HS3ST4: variants seen among roughly 807,000 people sequenced by gnomAD.
HS3ST4 encodes the protein heparan sulfate-glucosamine 3-sulfotransferase 4.
In HS3ST4, 17 loss-of-function variants were observed where a neutral mutation model predicts 29.2. That is an observed-to-expected ratio of 0.58 (90% confidence interval 0.40 to 0.87). The LOEUF is 0.87. Among genes scored for constraint, HS3ST4 ranks in the 40% least tolerant of loss-of-function variants. The pLI is 0.00. For missense variants in HS3ST4, 627 were observed against 634.5 expected (o/e 0.99, Z 0.13); for synonymous variants, 314 against 285.7 (o/e 1.10, Z -1.00).
chr16:25,710,068 C>A (rs1485726411), intron 1 of HS3ST4, among the ~76,000 whole-genome samples: 1 of 152,022 alleles, frequency 6.6e-6, no homozygotes, highest in East Asian at 1.9e-4. Context: ...GATTTTATGC[C>A]ATTCTTTTCA....
chr16:26,131,723 G>A (rs1459310633), intron 1 of HS3ST4, among the ~76,000 whole-genome samples: 1 of 152,154 alleles, frequency 6.6e-6, no homozygotes, highest in African/African-American at 2.4e-5. Flanking sequence ...AGTAGTTACT[G>A]GATCGGAGCC....
chr16:26,118,019 A>G (rs1899221831), intron 1 of HS3ST4, among the ~76,000 whole-genome samples: 1 of 152,126 alleles, frequency 6.6e-6, no homozygotes, highest in African/African-American at 2.4e-5. Flanking sequence ...GGAAAGAATG[A>G]TGGGTCAGGG....
intron 1 of HS3ST4, among the ~76,000 whole-genome samples, chr16:26,125,344 T>G (rs528997344): frequency 6.8e-4 from 103 of 152,348 alleles, no homozygotes; most frequent in Non-Finnish European, 1.2e-3. Flanking sequence ...AGGCATTAGT[T>G]AGATTCTCAT....
At chr16:25,972,248 A>G (rs1968905731) in intron 1 of HS3ST4, among the ~76,000 whole-genome samples, 1 of 152,208 alleles carries the variant, frequency 6.6e-6, no homozygotes. Flanking sequence ...ATTGCCGCAT[A>G]ACAGGTGGTT....
intron 1 of HS3ST4, among the ~76,000 whole-genome samples, chr16:25,946,340 C>T (rs530167899): frequency 1.3e-5 from 2 of 152,308 alleles, no homozygotes; most frequent in East Asian, 3.9e-4. Context: ...AATGCATTCG[C>T]ACCACACTGC....
intron 1 of HS3ST4, among the ~76,000 whole-genome samples, chr16:26,117,688 G>T (rs566677291): frequency 2.0e-5 from 3 of 152,334 alleles, no homozygotes; most frequent in Middle Eastern, 3.4e-3. Context: ...CGGAGCCCAA[G>T]CCCTGCTTAG....
At chr16:25,879,727 T>C (rs1967874017) in intron 1 of HS3ST4, among the ~76,000 whole-genome samples, 2 of 152,172 alleles carry the variant, frequency 1.3e-5, no homozygotes, top group Non-Finnish European at 2.9e-5. Flanking sequence ...CTAAGGGTGA[T>C]GTATTAGTCT....
intron 1 of HS3ST4, among the ~76,000 whole-genome samples, chr16:26,107,018 T>A (rs531567806): frequency 3.3e-5 from 5 of 152,148 alleles, no homozygotes; most frequent in Non-Finnish European, 7.4e-5. Context: ...TCTTCACAAC[T>A]TGGGCTAGCT....
Position 26,083,079 on chromosome 16 carries a change from T to C in HS3ST4, c.735-52533T>C, listed in dbSNP as rs7184771. Among the ~76,000 whole-genome samples, 785 of 152,326 alleles carry C rather than the reference T, an allele frequency of 5.2e-3. 6 individuals are homozygous for C. Among genetic ancestry groups the C allele is most frequent in the African/African-American group, 0.018 (739 of 41,576 alleles). ...AAGGCCAAGGTGCCATGTCATAGAT[T>C]CAGTGATGCTCTCCCTCGTCTGCTT... is the stretch of plus-strand genomic sequence containing the variant. On this transcript the variant is annotated intron_variant, in intron 1 of 1. Coordinates refer to ENST00000331351, the MANE Select transcript of HS3ST4 (RefSeq NM_006040.3).
At chr16:25,894,952 C>T (rs987582999) in intron 1 of HS3ST4, among the ~76,000 whole-genome samples, 1 of 152,164 alleles carries the variant, frequency 6.6e-6, no homozygotes, top group Non-Finnish European at 1.5e-5. Context: ...ATATCAGGCA[C>T]TGGACAATAG....
At chr16:25,782,925 A>C (rs1966853968) in intron 1 of HS3ST4, among the ~76,000 whole-genome samples, 1 of 152,184 alleles carries the variant, frequency 6.6e-6, no homozygotes, top group African/African-American at 2.4e-5. Flanking sequence ...CTCTTGTGGT[A>C]ATAGCTTGTC....
At chr16:25,853,218 C>T (rs758446734) in intron 1 of HS3ST4, among the ~76,000 whole-genome samples, 13 of 151,746 alleles carry the variant, frequency 8.6e-5, no homozygotes, top group Admixed American at 5.9e-4. Context: ...AACTGATTTT[C>T]GTATGTTTAT....
chr16:26,079,213 C>A (rs1220032035), intron 1 of HS3ST4, among the ~76,000 whole-genome samples: 1 of 152,154 alleles, frequency 6.6e-6, no homozygotes, highest in Non-Finnish European at 1.5e-5. Flanking sequence ...AACGAGCTGC[C>A]TCTGCACGAT....
chr16:25,874,669 A>C (rs561012896), intron 1 of HS3ST4, among the ~76,000 whole-genome samples: 43 of 152,298 alleles, frequency 2.8e-4, no homozygotes, highest in African/African-American at 9.6e-4. Context: ...CCATCCAGAA[A>C]ATGTTTAATG....
chr16:26,049,596 C>A lies in HS3ST4; in HGVS notation c.735-86016C>A, dbSNP rs142071205. On this transcript the variant is annotated intron_variant, in intron 1 of 1. Transcript: ENST00000331351. ...TGTGACCCCACGTGTGGATTTTCCC[C>A]CACACACCAAGCAAGCAAGCAAGCA... Among the ~76,000 whole-genome samples the A allele has an allele frequency of 2.1e-3, 324 of 151,990 alleles. 2 individuals are homozygous for A. The highest frequency in any genetic ancestry group is 7.7e-3 in the African/African-American group (317 of 41,428).
chr16:26,077,282 T>C (rs1343266724), intron 1 of HS3ST4, among the ~76,000 whole-genome samples: 1 of 152,244 alleles, frequency 6.6e-6, no homozygotes, highest in Non-Finnish European at 1.5e-5. Context: ...CTATTGGTCA[T>C]GTTTACTTTA....
intron 1 of HS3ST4, among the ~76,000 whole-genome samples, chr16:25,847,902 GTATTTA>G (rs901656331): frequency 2.0e-5 from 3 of 152,024 alleles, no homozygotes; most frequent in African/African-American, 7.2e-5. Flanking sequence ...ACAATTTTTG[GTATTTA>G]TATTTATGTA....
chr16:25,887,509 T>A (rs1567265118), intron 1 of HS3ST4, among the ~76,000 whole-genome samples: 1 of 152,102 alleles, frequency 6.6e-6, no homozygotes, highest in Non-Finnish European at 1.5e-5. Flanking sequence ...AATTACCAGA[T>A]ATAAATAAAT....
intron 1 of HS3ST4, among the ~76,000 whole-genome samples, chr16:25,803,122 G>GTGCC: frequency 6.6e-6 from 1 of 151,958 alleles, no homozygotes; most frequent in East Asian, 1.9e-4. Context: ...GAGAGAGAGA[G>GTGCC]TGCCTGTACA....
Sources: gnomAD v4.1 joint callset for allele counts (sites outside exome capture counted in the v4.1 genomes callset) on GRCh38, gnomAD v4.1.1 for gene constraint, MANE v1.5 for transcripts, NCBI Gene and HGNC (gene_info 2026-07-23, HGNC 2026-07-21) for gene names.